Variants in ZNF331 observed in about 807,000 individuals in gnomAD.
The protein encoded by ZNF331 is C2H2-like zinc finger protein rearranged in thyroid adenomas.
ZNF331 carries 2 observed loss-of-function variants against 7.0 expected under a neutral mutation model. The ratio of observed to expected loss-of-function variants is 0.29; its 90% CI spans 0.12 to 0.90. The LOEUF (loss-of-function observed/expected upper bound fraction) is 0.90. ZNF331 is among the 40% of genes least tolerant of loss of function. The pLI, the probability that ZNF331 is intolerant of heterozygous loss-of-function variation, is 0.58. For missense variants in ZNF331, 432 were observed against 587.7 expected, an observed-to-expected ratio of 0.74 and a Z score of 2.74; for synonymous variants, 196 against 205.4, an observed-to-expected ratio of 0.95 and a Z score of 0.39.
chr19:53,549,889 T>C (rs532597241), intron 2 of ZNF331, among the ~76,000 whole-genome samples: 1 of 152,302 alleles, frequency 6.6e-6, no homozygotes, highest in South Asian at 2.1e-4. Context: ...TGCTATAAAC[T>C]TCCGGCTTAG....
the ZNF331 span, among the ~76,000 whole-genome samples, chr19:53,514,198 T>A: frequency 6.7e-6 from 1 of 150,004 alleles, no homozygotes. Flanking sequence ...ACTAATATAT[T>A]TTTTCTCTGT....
At chr19:53,519,472 G>C (rs1231061789), upstream of ZNF331, among the ~76,000 whole-genome samples, 1 of 152,118 alleles carries the variant, frequency 6.6e-6, no homozygotes, top group Admixed American at 6.5e-5. Context: ...ATGTCCTACT[G>C]GGCAAAGGCC....
intron 3 of ZNF331, among the ~76,000 whole-genome samples, chr19:53,567,851 A>C (rs2090232267): frequency 3.3e-5 from 5 of 151,668 alleles, no homozygotes. Flanking sequence ...AAAAAAAAAA[A>C]ACAAAAAACT....
rs527391326 is a variant in ZNF331 at position 53,546,140 on chromosome 19, G to GAAAAAAAA, written c.-138+6872_-138+6879dup. 4.1e-4 allele frequency among the ~76,000 whole-genome samples: 46 copies of GAAAAAAAA among 113,504 alleles called. 1 individual carries two copies. Among genetic ancestry groups the GAAAAAAAA allele is most frequent in the African/African-American group, 8.7e-4 (30 of 34,396 alleles). The allele number at this position is 113,504 out of a possible 152,430, so 74.5% of individuals were successfully genotyped here. On this transcript the variant is annotated intron_variant, in intron 2 of 5. Coordinates refer to ENST00000449416, the MANE Select transcript of ZNF331 (RefSeq NM_001079906.2). Reference sequence around the variant, plus strand: ...CCTTCAGAAAAAGCATCCTGAGGGGGAAAAAAAAAAAAAAAAAAAAATTAT... The same window carrying GAAAAAAAA: ...CCTTCAGAAAAAGCATCCTGAGGGGGAAAAAAAAAAAAAAAAAAAAAAAAAAAAATTAT...
At chr19:53,562,300 C>G (rs1453220174) in intron 3 of ZNF331, among the ~76,000 whole-genome samples, 1 of 152,052 alleles carries the variant, frequency 6.6e-6, no homozygotes, top group Non-Finnish European at 1.5e-5. Context: ...ATACAAGTAA[C>G]AAAGACTGTG....
rs775913323 is a variant in ZNF331 at position 53,576,898 on chromosome 19, C to G, written c.338C>G (p.Thr113Ser). The change falls in exon 6 of 6, where the codon ACT becomes AGT. Residue 113 changes from threonine (T) to serine (S), a missense_variant. Coordinates refer to ENST00000449416, the MANE Select transcript of ZNF331 (RefSeq NM_001079906.2). Reference sequence around the variant, plus strand: ...ATCAATTATGTCAAAAGACCTGCTACTAGAGAAGGCACCCCTCCTAGAACA... The same window carrying G: ...ATCAATTATGTCAAAAGACCTGCTAGTAGAGAAGGCACCCCTCCTAGAACA... ...MIINYVKRPA[T>S]REGTPPRTHQ... 9.9e-6 allele frequency: 16 copies of G among 1,613,934 alleles called. No individual in the cohort carries two copies. Among genetic ancestry groups the G allele is most frequent in the Non-Finnish European group, 1.3e-5 (15 of 1,179,970 alleles).
At position 53,560,283 on chromosome 19, in the gene ZNF331, A is replaced by G. The variant is rs1169223439; in HGVS notation, c.-74+4375A>G. 6.6e-6 allele frequency among the ~76,000 whole-genome samples: 1 copy of G among 151,774 alleles called. No individual in the cohort carries two copies. The highest frequency in any genetic ancestry group is 2.4e-5 in the African/African-American group (1 of 41,202). The stretch of plus-strand genomic sequence containing the variant: ...ACCCACATATATACACACACCATAT[A>G]TATGCACATATATATATACACCCAC... On this transcript the variant is annotated intron_variant, in intron 3 of 5. Transcript: ENST00000449416. This position sits in a 1 kb window ranked among gnomAD's most constrained non-coding sequence, Gnocchi z 4.3.
intron 4 of ZNF331, among the ~76,000 whole-genome samples, chr19:53,570,032 G>C (rs1474451944): frequency 6.6e-6 from 1 of 152,124 alleles, no homozygotes; most frequent in Non-Finnish European, 1.5e-5. Context: ...CAGGTGGGTG[G>C]ATCACTTGTG....
rs1430538190 is a variant in ZNF331 at position 53,558,018 on chromosome 19, G to C, written c.-74+2110G>C. Among the ~76,000 whole-genome samples, 1 of 152,104 alleles carries C rather than the reference G, an allele frequency of 6.6e-6. No individual in the cohort carries two copies. Among genetic ancestry groups the C allele is most frequent in the Non-Finnish European group, 1.5e-5 (1 of 68,014 alleles). On this transcript the variant is annotated intron_variant, in intron 3 of 5. Coordinates refer to ENST00000449416, the MANE Select transcript of ZNF331 (RefSeq NM_001079906.2). This position sits in a 1 kb window ranked among gnomAD's most constrained non-coding sequence, Gnocchi z 4.5. ...GTGTGGGGAGAAGCAAGCTGTAGTG[G>C]ACATCAGCCGGATGTCCTGCAGTTC...
chr19:53,542,825 T>G (rs1269217558), intron 2 of ZNF331, among the ~76,000 whole-genome samples: 1 of 152,258 alleles, frequency 6.6e-6, no homozygotes, highest in African/African-American at 2.4e-5. Flanking sequence ...TTTGTTTTTC[T>G]TGAGACAGAG....
chr19:53,562,103 G>A (rs1394380460), intron 3 of ZNF331, among the ~76,000 whole-genome samples: 1 of 152,104 alleles, frequency 6.6e-6, no homozygotes, highest in East Asian at 1.9e-4. Context: ...AGCCGAGATT[G>A]TGCCACAGCA....
chr19:53,555,023 A>AT (rs1161532692), intron 2 of ZNF331: 1 of 154,800 alleles, frequency 6.5e-6, no homozygotes, highest in Non-Finnish European at 1.4e-5. Context: ...AGGGGCGCAG[A>AT]TGTGTCTCAG....
chr19:53,522,298 G>A (rs2087116905), intron 1 of ZNF331, among the ~76,000 whole-genome samples: 1 of 150,142 alleles, frequency 6.7e-6, no homozygotes, highest in Non-Finnish European at 1.5e-5. Context: ...TGTCGCCCAG[G>A]GCTGGAGTGC....
intron 2 of ZNF331, among the ~76,000 whole-genome samples, chr19:53,551,767 G>C (rs2089026851): frequency 6.6e-6 from 1 of 152,048 alleles, no homozygotes; most frequent in African/African-American, 2.4e-5. Context: ...TATTAGCATA[G>C]CATATAAGAT....
intron 2 of ZNF331, among the ~76,000 whole-genome samples, chr19:53,544,184 G>A (rs908462006): frequency 2.7e-5 from 4 of 148,322 alleles, no homozygotes; most frequent in Non-Finnish European, 4.4e-5. Flanking sequence ...TTGAGATCAC[G>A]CCACTGCACT....
chr19:53,505,620 G>A, the ZNF331 span, among the ~76,000 whole-genome samples: 11 of 152,270 alleles, frequency 7.2e-5, no homozygotes, highest in Non-Finnish European at 1.3e-4. Flanking sequence ...GGTGAAGTGT[G>A]GCTGCAAACA....
intron 2 of ZNF331, among the ~76,000 whole-genome samples, chr19:53,552,306 T>C (rs575998758): frequency 1.3e-5 from 2 of 152,294 alleles, no homozygotes; most frequent in South Asian, 4.1e-4. Context: ...TTAGAATATT[T>C]TTACCTAACA....
At chr19:53,561,519 C>T (rs970967846) in intron 3 of ZNF331, among the ~76,000 whole-genome samples, 1 of 152,040 alleles carries the variant, frequency 6.6e-6, no homozygotes, top group African/African-American at 2.4e-5. Context: ...TGGAATTTTG[C>T]TAATTAATCA....
intron 5 of ZNF331, among the ~76,000 whole-genome samples, chr19:53,574,186 C>G (rs1434386766): frequency 6.6e-6 from 1 of 152,066 alleles, no homozygotes; most frequent in African/African-American, 2.4e-5. Context: ...GTTCTATGTC[C>G]TCTAGCATTT....
Sources: gnomAD v4.1 joint callset for allele counts (sites outside exome capture counted in the v4.1 genomes callset) on GRCh38, gnomAD v4.1.1 for gene constraint, Gnocchi (gnomAD v3.1) non-coding constraint, MANE v1.5 for transcripts, NCBI Gene and HGNC (gene_info 2026-07-23, HGNC 2026-07-21) for gene names.